The following FHIT variants were observed in gnomAD, a reference collection of about 807,000 sequenced individuals.
FHIT encodes bis(5'-adenosyl)-triphosphatase.
In FHIT, 19 loss-of-function variants were observed where a neutral mutation model predicts 17.9. The observed-to-expected ratio is 1.06, with a 90% CI of 0.74 to 1.56. The LOEUF is 1.56. Among genes scored for constraint, FHIT ranks in the 40% most tolerant of loss-of-function variants. The pLI is 0.00. For synonymous variants in FHIT, 81 were observed against 69.7 expected (o/e 1.16, Z -0.81); for missense variants, 248 against 189.2 (o/e 1.31, Z -1.82).
At chr3:61,237,208 A>G (rs1406058053) in intron 1 of FHIT, among the ~76,000 whole-genome samples, 1 of 152,232 alleles carries the variant, frequency 6.6e-6, no homozygotes, top group Admixed American at 6.5e-5. Flanking sequence ...AAATGCTTTC[A>G]GTATTATGTA....
At chr3:59,956,635 T>C (rs999350721) in intron 7 of FHIT, among the ~76,000 whole-genome samples, 10 of 152,062 alleles carry the variant, frequency 6.6e-5, no homozygotes, top group African/African-American at 2.2e-4. Context: ...GCCACTGCAC[T>C]CCAGCCTGGT....
chr3:61,093,331 G>C (rs2035543006), intron 2 of FHIT, among the ~76,000 whole-genome samples: 1 of 152,112 alleles, frequency 6.6e-6, no homozygotes, highest in African/African-American at 2.4e-5. Flanking sequence ...CTCACCAGAG[G>C]ACATTTGGCA....
chr3:60,364,421 G>A (rs1700028215), intron 5 of FHIT, among the ~76,000 whole-genome samples: 2 of 152,212 alleles, frequency 1.3e-5, no homozygotes, highest in South Asian at 4.1e-4. Flanking sequence ...CTACAACTTA[G>A]ACAATACATT....
In FHIT at chr3:60,163,129, A is replaced by T. The variant is rs568683110; in HGVS notation, c.104-148977T>A. On this transcript the variant is annotated intron_variant, in intron 5 of 9. Transcript: ENST00000492590. ...ACATTGTGCACACATTATCTCTTTC[A>T]CTGCCCTATGGCCCGTAAGATGTTC... Among the ~76,000 whole-genome samples, 16 of 58,170 alleles carry T rather than the reference A, an allele frequency of 2.8e-4. 1 individual carries two copies. In the South Asian group the frequency reaches 7.0e-3, roughly 25 times the overall value. The allele number at this position is 58,170 out of a possible 152,430, so 38.2% of individuals were successfully genotyped here.
chr3:60,430,754 T>G (rs1013160979), intron 5 of FHIT, among the ~76,000 whole-genome samples: 1 of 152,098 alleles, frequency 6.6e-6, no homozygotes, highest in Non-Finnish European at 1.5e-5. Context: ...CTTTGGGAGA[T>G]TACATCTATG....
At chr3:60,021,922 G>C (rs900299541) in intron 5 of FHIT, among the ~76,000 whole-genome samples, 1 of 152,150 alleles carries the variant, frequency 6.6e-6, no homozygotes, top group African/African-American at 2.4e-5. Context: ...AGAAGATTGA[G>C]AAACACTGCA....
chr3:60,225,815 G>A (rs1704171375), intron 5 of FHIT, among the ~76,000 whole-genome samples: 1 of 152,090 alleles, frequency 6.6e-6, no homozygotes, highest in Non-Finnish European at 1.5e-5. Context: ...GCTTATTTGG[G>A]GCTGAGACAG....
chr3:59,945,728 G>T (rs1398443947), intron 7 of FHIT, among the ~76,000 whole-genome samples: 1 of 152,078 alleles, frequency 6.6e-6, no homozygotes, highest in Non-Finnish European at 1.5e-5. Context: ...TAAAAGGAAG[G>T]GGTCCAGTTT....
chr3:61,096,994 G>A (rs112232321), intron 2 of FHIT, among the ~76,000 whole-genome samples: 33 of 149,212 alleles, frequency 2.2e-4, no homozygotes, highest in African/African-American at 5.2e-4. Flanking sequence ...CAGGAGAATC[G>A]ATCAAACCTG....
At chr3:60,743,111 GGA>G (rs1259520783) in intron 4 of FHIT, among the ~76,000 whole-genome samples, 1 of 151,770 alleles carries the variant, frequency 6.6e-6, no homozygotes, top group Non-Finnish European at 1.5e-5. Flanking sequence ...CCCTGGCTTC[GGA>G]CACAGTGCTG....
chr3:59,960,906 T>A (rs1336487308), intron 7 of FHIT, among the ~76,000 whole-genome samples: 1 of 152,168 alleles, frequency 6.6e-6, no homozygotes, highest in African/African-American at 2.4e-5. Flanking sequence ...AGACTCCAAA[T>A]GGTCAAATTA....
At chr3:60,374,797 G>A (rs1229950109) in intron 5 of FHIT, among the ~76,000 whole-genome samples, 1 of 152,066 alleles carries the variant, frequency 6.6e-6, no homozygotes, top group African/African-American at 2.4e-5. Context: ...CGTGATAATA[G>A]TTGTGTGGCT....
At chr3:60,671,777 T>TA (rs11427587) in intron 4 of FHIT, among the ~76,000 whole-genome samples, 115,826 of 139,254 alleles carry the variant, frequency 0.83, 48,381 homozygotes, top group Non-Finnish European at 0.89. Flanking sequence ...CCATCTCTAC[T>TA]AAAAAAAAAA....
chr3:60,041,354 A>G (rs1023070728), intron 5 of FHIT, among the ~76,000 whole-genome samples: 1 of 152,274 alleles, frequency 6.6e-6, no homozygotes, highest in Non-Finnish European at 1.5e-5. Flanking sequence ...TTTGTCTTTT[A>G]TGTTTTTTTC....
intron 5 of FHIT, among the ~76,000 whole-genome samples, chr3:60,323,165 C>T (rs1709509488): frequency 6.6e-6 from 1 of 152,048 alleles, no homozygotes; most frequent in Non-Finnish European, 1.5e-5. Context: ...CCTACTGGGG[C>T]CCAAAGTACC....
intron 4 of FHIT, among the ~76,000 whole-genome samples, chr3:60,624,243 TG>T (rs1362806796): frequency 6.6e-6 from 1 of 151,762 alleles, no homozygotes; most frequent in Non-Finnish European, 1.5e-5. Context: ...AAGCAAGGAG[TG>T]GTAAGAGACA....
intron 5 of FHIT, among the ~76,000 whole-genome samples, chr3:60,434,457 T>A (rs540080648): frequency 6.6e-6 from 1 of 152,072 alleles, no homozygotes; most frequent in Non-Finnish European, 1.5e-5. Flanking sequence ...CAGGGTTGCA[T>A]AGGGGATACA....
intron 7 of FHIT, among the ~76,000 whole-genome samples, chr3:59,948,169 G>A (rs1185969619): frequency 6.6e-6 from 1 of 151,884 alleles, no homozygotes; most frequent in Non-Finnish European, 1.5e-5. Flanking sequence ...ATGCCCTTGG[G>A]TGCAATTGTT....
chr3:60,223,242 C>A (rs965504191), intron 5 of FHIT, among the ~76,000 whole-genome samples: 1 of 152,234 alleles, frequency 6.6e-6, no homozygotes, highest in African/African-American at 2.4e-5. Context: ...TATTACAATA[C>A]CCCTTTGAGG....
Sources: gnomAD v4.1 joint callset for allele counts (sites outside exome capture counted in the v4.1 genomes callset) on GRCh38, gnomAD v4.1.1 for gene constraint, MANE v1.5 for transcripts, NCBI Gene and HGNC (gene_info 2026-07-23, HGNC 2026-07-21) for gene names.